The following ZNF787 variants were observed in gnomAD, a reference collection of about 807,000 sequenced individuals.
ZNF787 encodes zinc finger protein 787.
A neutral mutation model predicts 16.9 loss-of-function variants in ZNF787; 7 were observed. The observed-to-expected ratio is 0.42, with a 90% CI of 0.24 to 0.78. ZNF787 has a LOEUF of 0.78. Ranked by LOEUF, ZNF787 falls within the 30% of genes least tolerant of loss-of-function variation. ZNF787 has a pLI of 0.30. For synonymous variants in ZNF787, 345 were observed against 270.9 expected (o/e 1.27, Z -2.69); for missense variants, 551 against 589.3 (o/e 0.94, Z 0.67).
At chr19:56,100,511 C>G (rs1986049351) in intron 2 of ZNF787, among the ~76,000 whole-genome samples, 1 of 152,130 alleles carries the variant, frequency 6.6e-6, no homozygotes, top group African/African-American at 2.4e-5. Context: ...TTTTCTCTGC[C>G]TGGCGGGCAT....
rs1248216109 is a variant in ZNF787 at position 56,088,269 on chromosome 19, G to C, written c.903C>G (p.Ala301=). 1 of 1,418,656 alleles carries C rather than the reference G, an allele frequency of 7.0e-7. No individual in the cohort carries two copies. The highest frequency in any genetic ancestry group is 9.2e-7 in the Non-Finnish European group (1 of 1,090,246). 87.9% of individuals were successfully genotyped at this position (1,418,656 alleles called of 1,614,324 possible). The change falls in exon 3 of 3, where the codon GCC becomes GCG. Residue 301 remains alanine (A), a synonymous_variant. Coordinates refer to ENST00000610935, the MANE Select transcript of ZNF787 (RefSeq NM_001002836.4). This position sits in a 1 kb window ranked among gnomAD's most constrained non-coding sequence, Gnocchi z 8.6. The stretch of plus-strand genomic sequence containing the variant: ...CCGCCCCGAGCCCGTCCCCGTGCTG[G>C]GCCCGCTGGTGCGCCAGGAGCCCGG... ...HGAGLLAHQR[A]QHGDGLGAAG...
At chr19:56,118,996 C>G (rs950116902) in intron 1 of ZNF787, among the ~76,000 whole-genome samples, 1 of 152,178 alleles carries the variant, frequency 6.6e-6, no homozygotes, top group Non-Finnish European at 1.5e-5. Context: ...GCACCACACA[C>G]CCCTCCCTCA....
chr19:56,114,065 C>T (rs952855014), intron 1 of ZNF787, among the ~76,000 whole-genome samples: 2 of 152,164 alleles, frequency 1.3e-5, no homozygotes, highest in African/African-American at 2.4e-5. Context: ...CTCAGTTCAT[C>T]ACCTCCTTGC....
Position 56,117,633 on chromosome 19 carries a change from C to T in ZNF787, c.-11+3539G>A, listed in dbSNP as rs566262992. Among the ~76,000 whole-genome samples the T allele has an allele frequency of 8.5e-5, 13 of 152,362 alleles. No homozygotes were observed. The South Asian group carries it at 2.3e-3, about 27-fold the overall frequency. On this transcript the variant is annotated intron_variant, in intron 1 of 2. Transcript: ENST00000610935. ...CTAACTCTTGGACAACGGCATTTGT[C>T]CCCTTTAACGTCCACCATTGAGGAT...
At chr19:56,106,131 G>A (rs1006695328) in intron 1 of ZNF787, among the ~76,000 whole-genome samples, 6 of 146,628 alleles carry the variant, frequency 4.1e-5, no homozygotes, top group African/African-American at 2.6e-5. Context: ...GCATTCCCCC[G>A]CCGCGCCCTG....
chr19:56,115,582 C>T (rs2030110646), intron 1 of ZNF787, among the ~76,000 whole-genome samples: 1 of 151,930 alleles, frequency 6.6e-6, no homozygotes, highest in Non-Finnish European at 1.5e-5. Flanking sequence ...ATGGTCGCTG[C>T]TCTATTCTTT....
In ZNF787 at chr19:56,087,760, TGTCTCTCCGGCTCGCAG is replaced by T; in HGVS notation, c.*246_*262del. The T allele has an allele frequency of 2.5e-6, 1 of 399,238 alleles. No individual in the cohort carries two copies. Among genetic ancestry groups the T allele is most frequent in the Non-Finnish European group, 3.9e-6 (1 of 256,522 alleles). 24.7% of individuals were successfully genotyped at this position (399,238 alleles called of 1,614,324 possible). ...ACTCGGCCTCTGCAGTTCTCTCCAT[TGTCTCTCCGGCTCGCAG>T]GCCGATAACTTAGGAAGGGCGGGCC... On this transcript the variant is annotated 3_prime_UTR_variant, in exon 3 of 3. Coordinates refer to ENST00000610935, the MANE Select transcript of ZNF787 (RefSeq NM_001002836.4).
chr19:56,093,536 G>A (rs191513326), intron 2 of ZNF787, among the ~76,000 whole-genome samples: 1 of 152,250 alleles, frequency 6.6e-6, no homozygotes, highest in Admixed American at 6.5e-5. Context: ...ACTGAGACAT[G>A]TTCGGGCTCA....
chr19:56,117,800 T>C lies in ZNF787; in HGVS notation c.-11+3372A>G, dbSNP rs191358648. Among the ~76,000 whole-genome samples the C allele has an allele frequency of 9.3e-4, 141 of 152,312 alleles. 1 individual carries two copies. Among genetic ancestry groups the C allele is most frequent in the African/African-American group, 3.3e-3 (136 of 41,560 alleles). On this transcript the variant is annotated intron_variant, in intron 1 of 2. Coordinates refer to ENST00000610935, the MANE Select transcript of ZNF787 (RefSeq NM_001002836.4). ...GCGGGGCTATTTCCAGCAAAGACCCTGCACACAGCAGCCTCAGGAATCCAT... is the reference window on the plus strand; with the variant it reads ...GCGGGGCTATTTCCAGCAAAGACCCCGCACACAGCAGCCTCAGGAATCCAT...
At chr19:56,094,693 C>G (rs1411220028) in intron 2 of ZNF787, among the ~76,000 whole-genome samples, 2 of 152,178 alleles carry the variant, frequency 1.3e-5, no homozygotes, top group African/African-American at 4.8e-5. Context: ...CAATCAGCGG[C>G]CCCCAACCTT....
At chr19:56,094,687 C>T (rs1180887919) in intron 2 of ZNF787, among the ~76,000 whole-genome samples, 2 of 152,198 alleles carry the variant, frequency 1.3e-5, no homozygotes, top group Non-Finnish European at 2.9e-5. Context: ...CGTTCACAAT[C>T]AGCGGCCCCC....
chr19:56,117,643 G>A lies in ZNF787; in HGVS notation c.-11+3529C>T, dbSNP rs113998098. On this transcript the variant is annotated intron_variant, in intron 1 of 2. Transcript: ENST00000610935. ...GACAACGGCATTTGTCCCCTTTAACGTCCACCATTGAGGATGGTCCTGTGT... is the reference window on the plus strand; with the variant it reads ...GACAACGGCATTTGTCCCCTTTAACATCCACCATTGAGGATGGTCCTGTGT... Among the ~76,000 whole-genome samples the A allele has an allele frequency of 5.4e-3, 821 of 152,310 alleles. 7 individuals carry two copies. Among genetic ancestry groups the A allele is most frequent in the African/African-American group, 0.019 (771 of 41,566 alleles).
chr19:56,119,140 G>C (rs1487049652), intron 1 of ZNF787, among the ~76,000 whole-genome samples: 2 of 152,118 alleles, frequency 1.3e-5, no homozygotes, highest in Non-Finnish European at 2.9e-5. Context: ...ACTCTACCTT[G>C]TGCTTGCACA....
chr19:56,116,087 A>G (rs1471612904), intron 1 of ZNF787, among the ~76,000 whole-genome samples: 1 of 151,978 alleles, frequency 6.6e-6, no homozygotes, highest in African/African-American at 2.4e-5. Context: ...GCAGGCGGAT[A>G]TGGGAAATCT....
rs1985358238 is a variant in ZNF787 at position 56,087,891 on chromosome 19, A to G, written c.*132T>C. On this transcript the variant is annotated 3_prime_UTR_variant, in exon 3 of 3. Coordinates refer to ENST00000610935, the MANE Select transcript of ZNF787 (RefSeq NM_001002836.4). ...CCCACGGACGGCGCAGGGACAGAGG[A>G]GGGCGGGGAGCCGGGGATGCCGCGG... 2.4e-6 allele frequency: 3 copies of G among 1,261,738 alleles called. No individual in the cohort carries two copies. The highest frequency in any genetic ancestry group is 2.3e-5 in the South Asian group (1 of 43,304). 78.2% of individuals were successfully genotyped at this position (1,261,738 alleles called of 1,614,324 possible).
chr19:56,088,276 T>A lies in ZNF787; in HGVS notation c.896A>T (p.Gln299Leu). Reference protein sequence around the residue: ...FGHGAGLLAHQRAQHGDGLGA... With the variant: ...FGHGAGLLAHLRAQHGDGLGA... ...GAGCCCGTCCCCGTGCTGGGCCCGC[T>A]GGTGCGCCAGGAGCCCGGCCCCGTG... Residue 299 changes from glutamine to leucine, a missense_variant, in exon 3 of 3, where the codon CAG (glutamine) becomes CTG (leucine). Coordinates refer to ENST00000610935, the MANE Select transcript of ZNF787 (RefSeq NM_001002836.4). The surrounding 1 kb of genome is among the most constrained non-coding windows in gnomAD (Gnocchi z 8.6). The A allele has an allele frequency of 7.1e-7, 1 of 1,406,268 alleles. No individual in the cohort carries two copies. The highest frequency in any genetic ancestry group is 3.4e-5 in the East Asian group (1 of 29,770). The allele number at this position is 1,406,268 out of a possible 1,614,324, so 87.1% of individuals were successfully genotyped here.
Position 56,088,118 on chromosome 19 carries a change from G to A in ZNF787, c.1054C>T (p.Gln352Ter), listed in dbSNP as rs1215771266. The A allele has an allele frequency of 6.5e-7, 1 of 1,545,964 alleles. No homozygotes were observed. Among genetic ancestry groups the A allele is most frequent in the Non-Finnish European group, 8.7e-7 (1 of 1,152,640 alleles). ...GAPSVCSSCGQSYYRAGGEEE... is the reference protein window; with the variant it reads ...GAPSVCSSCG ...TCCCCGCCCGCGCGGTAGTAGCTCT[G>A]TCCGCAGCTGCTGCAGACCGAGGGC... Residue 352 changes from glutamine to a stop codon, truncating the protein, a stop_gained, in exon 3 of 3, where the codon CAG becomes TAG. Transcript: ENST00000610935. LOFTEE classifies it low-confidence loss of function (END_TRUNC). The surrounding 1 kb of genome is among the most constrained non-coding windows in gnomAD (Gnocchi z 8.6).
chr19:56,115,792 T>C (rs1185310689), intron 1 of ZNF787, among the ~76,000 whole-genome samples: 1 of 152,128 alleles, frequency 6.6e-6, no homozygotes, highest in Non-Finnish European at 1.5e-5. Context: ...CTTCATCTAC[T>C]GTCAGGGTGC....
At chr19:56,120,465 C>T (rs2030257404) in intron 1 of ZNF787, among the ~76,000 whole-genome samples, 1 of 152,304 alleles carries the variant, frequency 6.6e-6, no homozygotes, top group East Asian at 1.9e-4. Context: ...CTGACCTTGG[C>T]CCAGTCACTT....
Sources: gnomAD v4.1 joint callset for allele counts (sites outside exome capture counted in the v4.1 genomes callset) on GRCh38, gnomAD v4.1.1 for gene constraint, Gnocchi (gnomAD v3.1) non-coding constraint, MANE v1.5 for transcripts, NCBI Gene and HGNC (gene_info 2026-07-23, HGNC 2026-07-21) for gene names.